The following CAPZA2 variants were observed in gnomAD, a reference collection of about 807,000 sequenced individuals.
CAPZA2 encodes the protein capping actin protein of muscle Z-line subunit alpha 2.
In CAPZA2, 13 loss-of-function variants were observed where a neutral mutation model predicts 44.0. The observed-to-expected ratio is 0.30, with a 90% CI of 0.19 to 0.47. CAPZA2 has a LOEUF of 0.47. Among genes scored for constraint, CAPZA2 ranks in the 20% least tolerant of loss-of-function variants. The pLI, the probability that CAPZA2 is intolerant of heterozygous loss-of-function variation, is 1.00. For missense variants in CAPZA2, 244 were observed against 338.6 expected, an observed-to-expected ratio of 0.72 and a Z score of 2.19; for synonymous variants, 94 against 108.2, an observed-to-expected ratio of 0.87 and a Z score of 0.81.
intron 1 of CAPZA2, among the ~76,000 whole-genome samples, chr7:116,878,342 A>C (rs550052843): frequency 9.2e-5 from 14 of 152,346 alleles, no homozygotes; most frequent in African/African-American, 3.4e-4. Flanking sequence ...TGAGGACTTC[A>C]TCCAGAGACT....
At chr7:116,867,300 A>G (rs544516044) in intron 1 of CAPZA2, among the ~76,000 whole-genome samples, 2 of 152,274 alleles carry the variant, frequency 1.3e-5, no homozygotes, top group East Asian at 3.9e-4. Context: ...CCCTTCTGTT[A>G]TATTTGCCAC....
chr7:116,904,351 G>A lies in CAPZA2; in HGVS notation c.394G>A (p.Val132Ile), dbSNP rs1269192002. Residue 132 changes from valine to isoleucine, a missense_variant, in exon 5 of 10, where the codon GTA becomes ATA. Physicochemically the swap from Val to Ile is conservative, Grantham distance 29. Transcript: ENST00000361183. ...TSVETALRAY[V>I]KEHYPNGVCT... ...AGTAGAAACTGCTCTGAGAGCTTAC[G>A]TAAAAGAACATTACCCGAATGGAGT... The A allele has an allele frequency of 6.8e-6, 11 of 1,613,096 alleles. No homozygotes were observed. The highest frequency in any genetic ancestry group is 3.3e-5 in the South Asian group (3 of 91,058).
chr7:116,900,375 C>A (rs1585011236), intron 4 of CAPZA2, among the ~76,000 whole-genome samples: 4 of 146,194 alleles, frequency 2.7e-5, no homozygotes. Context: ...TTAGGAATAC[C>A]AAGAGATTCT....
chr7:116,912,289 CT>C, intron 8 of CAPZA2, 149 bp downstream of exon 8: 1 of 1,223,488 alleles, frequency 8.2e-7, no homozygotes, highest in Non-Finnish European at 1.1e-6. Flanking sequence ...CTGTACCTAA[CT>C]TTTTTGCAGC....
chr7:116,891,800 C>T (rs541568564), intron 2 of CAPZA2, among the ~76,000 whole-genome samples: 1 of 152,196 alleles, frequency 6.6e-6, no homozygotes, highest in Non-Finnish European at 1.5e-5. Flanking sequence ...CATGAGCCAC[C>T]ACACCCGGCC....
At chr7:116,871,296 A>G (rs1339388816) in intron 1 of CAPZA2, among the ~76,000 whole-genome samples, 1 of 152,254 alleles carries the variant, frequency 6.6e-6, no homozygotes, top group African/African-American at 2.4e-5. Flanking sequence ...GAGAATTTCA[A>G]GAAGGAGCGG....
At chr7:116,888,851 C>T (rs1316943318) in intron 2 of CAPZA2, among the ~76,000 whole-genome samples, 1 of 150,888 alleles carries the variant, frequency 6.6e-6, no homozygotes, top group South Asian at 2.1e-4. Context: ...AACAAACAAA[C>T]AAAAAAAAGT....
intron 1 of CAPZA2, among the ~76,000 whole-genome samples, chr7:116,884,421 C>G (rs889638825): frequency 6.6e-6 from 1 of 152,150 alleles, no homozygotes; most frequent in Non-Finnish European, 1.5e-5. Flanking sequence ...TCTTCCCCTT[C>G]CCCACCCCTC....
chr7:116,863,374 G>GC lies in CAPZA2; in HGVS notation c.39+733dup, dbSNP rs3840636. Among the ~76,000 whole-genome samples the GC allele has an allele frequency of 4.2e-3, 627 of 150,748 alleles. 3 individuals are homozygous for GC. Among genetic ancestry groups the GC allele is most frequent in the East Asian group, 0.016 (81 of 5,132 alleles). Reference sequence around the variant, plus strand: ...TTGTTTTCTGCCCACGTTGGCAGCAGCCCCCCCCCGGGGGTCGATTTGGTG... The same window carrying GC: ...TTGTTTTCTGCCCACGTTGGCAGCAGCCCCCCCCCCGGGGGTCGATTTGGTG... On this transcript the variant is annotated intron_variant, in intron 1 of 9. Transcript: ENST00000361183.
At position 116,906,510 on chromosome 7, in the gene CAPZA2, C is replaced by G. The variant is rs943976921; in HGVS notation, c.506+168C>G. On this transcript the variant is annotated intron_variant, in intron 6 of 9. Coordinates refer to ENST00000361183, the MANE Select transcript of CAPZA2 (RefSeq NM_006136.3). The stretch of plus-strand genomic sequence containing the variant: ...AAGGAAGGTAAATTTGCTCAACAGC[C>G]TAATCACTAAAGGTAGTGGTAAATC... 8 of 1,153,954 alleles carry G rather than the reference C, an allele frequency of 6.9e-6. No individual in the cohort carries two copies. In the African/African-American group the frequency reaches 7.9e-5, roughly 11 times the overall value. 71.5% of individuals were successfully genotyped at this position (1,153,954 alleles called of 1,614,324 possible).
intron 1 of CAPZA2, among the ~76,000 whole-genome samples, chr7:116,868,019 C>T (rs969790734): frequency 5.3e-5 from 8 of 152,150 alleles, no homozygotes; most frequent in African/African-American, 1.4e-4. Flanking sequence ...ATGTAGTAAG[C>T]GCACAATAAA....
chr7:116,869,308 A>G (rs568251270), intron 1 of CAPZA2, among the ~76,000 whole-genome samples: 1 of 152,338 alleles, frequency 6.6e-6, no homozygotes, highest in African/African-American at 2.4e-5. Context: ...TATTTTGAGG[A>G]TTAAGTATAG....
In CAPZA2 at chr7:116,881,521, C is replaced by T. The variant is rs1161088268; in HGVS notation, c.40-6606C>T. Among the ~76,000 whole-genome samples, 9 of 152,032 alleles carry T rather than the reference C, an allele frequency of 5.9e-5. 1 individual carries two copies. In the South Asian group the frequency reaches 6.2e-4, roughly 11 times the overall value. On this transcript the variant is annotated intron_variant, in intron 1 of 9. Transcript: ENST00000361183. ...TCGGGAGGCCAAGGTGGGCGGATCA[C>T]GAGGTCAGGAGATCAAGACCATCCT...
intron 1 of CAPZA2, among the ~76,000 whole-genome samples, chr7:116,872,070 A>G (rs1264938014): frequency 6.6e-6 from 1 of 152,162 alleles, no homozygotes; most frequent in Admixed American, 6.5e-5. Flanking sequence ...GTATCACTGT[A>G]TTAGGGGCTC....
At chr7:116,895,518 T>A (rs1796912844) in intron 3 of CAPZA2, among the ~76,000 whole-genome samples, 1 of 152,144 alleles carries the variant, frequency 6.6e-6, no homozygotes, top group Non-Finnish European at 1.5e-5. Flanking sequence ...GATATTCTGA[T>A]CTTTTAAGTA....
intron 4 of CAPZA2, among the ~76,000 whole-genome samples, chr7:116,902,799 C>T (rs893048741): frequency 1.3e-5 from 2 of 152,152 alleles, no homozygotes; most frequent in South Asian, 4.1e-4. Flanking sequence ...TGCAGTGACA[C>T]AATCACAGCT....
intron 1 of CAPZA2, among the ~76,000 whole-genome samples, chr7:116,882,905 T>C (rs879803284): frequency 5.3e-4 from 80 of 152,310 alleles, no homozygotes; most frequent in African/African-American, 1.8e-3. Flanking sequence ...AGGGACTTTA[T>C]CATGGAGGGA....
intron 1 of CAPZA2, among the ~76,000 whole-genome samples, chr7:116,866,150 T>G (rs1281728048): frequency 1.3e-5 from 2 of 152,182 alleles, no homozygotes; most frequent in Non-Finnish European, 2.9e-5. Context: ...ATGAAGTTCT[T>G]TAAAGCTCTT....
Position 116,878,362 on chromosome 7 carries a change from T to C in CAPZA2, c.40-9765T>C, listed in dbSNP as rs568233900. On this transcript the variant is annotated intron_variant, in intron 1 of 9. Coordinates refer to ENST00000361183, the MANE Select transcript of CAPZA2 (RefSeq NM_006136.3). ...ACTTCATCCAGAGACTTCATTCAGA[T>C]CTTAATTCTGGATCTCTGTTTTCTC... 3.9e-5 allele frequency among the ~76,000 whole-genome samples: 6 copies of C among 152,348 alleles called. No individual in the cohort carries two copies. In the South Asian group the frequency reaches 1.2e-3, roughly 32 times the overall value.
Sources: gnomAD v4.1 joint callset for allele counts (sites outside exome capture counted in the v4.1 genomes callset) on GRCh38, gnomAD v4.1.1 for gene constraint, MANE v1.5 for transcripts, NCBI Gene and HGNC (gene_info 2026-07-23, HGNC 2026-07-21) for gene names.